The following TMEM131L variants were observed in gnomAD, a reference collection of about 807,000 sequenced individuals.
The protein encoded by TMEM131L is transmembrane 131 like, also known as transmembrane protein 131-like.
A neutral mutation model predicts 192.2 loss-of-function variants in TMEM131L; 54 were observed. The observed-to-expected ratio is 0.28, with a 90% CI of 0.23 to 0.35. The LOEUF (loss-of-function observed/expected upper bound fraction) is 0.35. Ranked by LOEUF, TMEM131L falls within the 10% of genes least tolerant of loss-of-function variation. The pLI, the probability that TMEM131L is intolerant of heterozygous loss-of-function variation, is 1.00. For synonymous variants in TMEM131L, 701 were observed against 704.9 expected (o/e 0.99, Z 0.09); for missense variants, 1,888 against 1,972.9 (o/e 0.96, Z 0.82).
chr4:153,623,416 G>T (rs924815930), intron 29 of TMEM131L, among the ~76,000 whole-genome samples: 7 of 152,150 alleles, frequency 4.6e-5, no homozygotes, highest in Non-Finnish European at 8.8e-5. Flanking sequence ...GGCACTAAGT[G>T]CATCACATTG....
chr4:153,622,546 A>C (rs115800990), intron 28 of TMEM131L, among the ~76,000 whole-genome samples: 4,315 of 152,310 alleles, frequency 0.028, 128 homozygotes, highest in Admixed American at 0.087. Flanking sequence ...TATCTTATTA[A>C]AAGAGAGGGG....
intron 32 of TMEM131L, among the ~76,000 whole-genome samples, chr4:153,633,887 TC>T (rs976192776): frequency 1.3e-5 from 2 of 152,212 alleles, no homozygotes; most frequent in Non-Finnish European, 2.9e-5. Flanking sequence ...TTAAAGGTAT[TC>T]CAGCTGTTCT....
chr4:153,466,434 T>G lies in TMEM131L; in HGVS notation c.37T>G (p.Cys13Gly), dbSNP rs2149685349. 2 of 1,409,194 alleles carry G rather than the reference T, an allele frequency of 1.4e-6. No individual in the cohort carries two copies. Among genetic ancestry groups the G allele is most frequent in the East Asian group, 3.0e-5 (1 of 33,144 alleles). 87.3% of individuals were successfully genotyped at this position (1,409,194 alleles called of 1,614,324 possible). A position where few individuals can be genotyped will look rare whatever the true frequency, so the allele number is the denominator to read the frequency against. The change falls in exon 1 of 35, where the codon TGC becomes GGC. Residue 13 changes from cysteine to glycine, a missense_variant. By Grantham distance (159) the Cys-to-Gly change is radical. Transcript: ENST00000409959. ...CCGACGCCCGCAGCCCGGCTGCTAC[T>G]GCCGCACCGCGGCGGCCGTGAACCT... ...GLRRPQPGCYCRTAAAVNLLL... is the reference protein window; with the variant it reads ...GLRRPQPGCYGRTAAAVNLLL...
intron 3 of TMEM131L, among the ~76,000 whole-genome samples, chr4:153,530,200 G>C (rs564179971): frequency 1.3e-3 from 193 of 152,058 alleles, no homozygotes; most frequent in Non-Finnish European, 2.4e-3. Flanking sequence ...GCAGATCTTG[G>C]TAACGTGATT....
At chr4:153,576,641 A>G (rs1423832080) in intron 7 of TMEM131L, among the ~76,000 whole-genome samples, 1 of 151,970 alleles carries the variant, frequency 6.6e-6, no homozygotes, top group Non-Finnish European at 1.5e-5. Context: ...TGTCAGGTTA[A>G]GACCTTAACA....
chr4:153,556,381 C>T (rs886410318), intron 5 of TMEM131L, among the ~76,000 whole-genome samples: 1 of 152,118 alleles, frequency 6.6e-6, no homozygotes, highest in Non-Finnish European at 1.5e-5. Flanking sequence ...CTGATTGGCA[C>T]CATAACACAG....
At chr4:153,489,362 C>T (rs1260271222) in intron 3 of TMEM131L, among the ~76,000 whole-genome samples, 2 of 152,208 alleles carry the variant, frequency 1.3e-5, no homozygotes, top group African/African-American at 4.8e-5. Context: ...TTCTTCCCAG[C>T]TCATTGAACC....
chr4:153,623,564 T>C (rs955358438), intron 29 of TMEM131L, among the ~76,000 whole-genome samples: 2 of 152,244 alleles, frequency 1.3e-5, no homozygotes, highest in South Asian at 2.1e-4. Context: ...TCTATAAATC[T>C]GCCTACTCTG....
chr4:153,602,463 T>C lies in TMEM131L; in HGVS notation c.2454-79T>C, dbSNP rs1731908828. ...TGTAAATATTTCTTTTGTAGGAGTA[T>C]GATGTGTTGTCATTATTTTGCCTTG... is the stretch of plus-strand genomic sequence containing the variant. On this transcript the variant is annotated intron_variant, in intron 22 of 34. Transcript: ENST00000409959. 10 of 1,513,766 alleles carry C rather than the reference T, an allele frequency of 6.6e-6. No individual in the cohort carries two copies. In the South Asian group the frequency reaches 9.2e-5, roughly 14 times the overall value. 93.8% of individuals were successfully genotyped at this position (1,513,766 alleles called of 1,614,324 possible).
rs552472935 is a variant in TMEM131L, at chr4:153,535,176, T to C, written c.240-14897T>C. Among the ~76,000 whole-genome samples, 358 of 152,184 alleles carry C rather than the reference T, an allele frequency of 2.4e-3. 4 individuals are homozygous for C. The highest frequency in any genetic ancestry group is 8.3e-3 in the African/African-American group (345 of 41,506). ...AAAGCGGAGCTCATGGGATTTCCGA[T>C]GGATGGGATGCGGGGTGTGAGAAAG... On this transcript the variant is annotated intron_variant, in intron 3 of 34. Transcript: ENST00000409959.
chr4:153,572,425 G>A (rs962794449), intron 7 of TMEM131L, among the ~76,000 whole-genome samples: 2 of 152,078 alleles, frequency 1.3e-5, no homozygotes, highest in Admixed American at 1.3e-4. Context: ...CTGCCTCCCG[G>A]GTTCAAGTGA....
At chr4:153,482,786 A>G (rs1295717052) in intron 3 of TMEM131L, among the ~76,000 whole-genome samples, 3 of 151,898 alleles carry the variant, frequency 2.0e-5, no homozygotes, top group African/African-American at 2.4e-5. Context: ...TTTTGTAGAG[A>G]TGAGGTCTTC....
chr4:153,614,175 G>C lies in TMEM131L; in HGVS notation c.3567+1775G>C, dbSNP rs562605327. ...TTGAGGCATAATTGGGTGCAGTTAGGGAGCCATCCGACTTGGAAGAAGCTA... is the reference window on the plus strand; with the variant it reads ...TTGAGGCATAATTGGGTGCAGTTAGCGAGCCATCCGACTTGGAAGAAGCTA... On this transcript the variant is annotated intron_variant, in intron 26 of 34. Coordinates refer to ENST00000409959, the MANE Select transcript of TMEM131L (RefSeq NM_001131007.2). 3.0e-4 allele frequency among the ~76,000 whole-genome samples: 45 copies of C among 152,300 alleles called. 3 individuals are homozygous for C. The South Asian group carries it at 8.7e-3, about 29-fold the overall frequency.
At chr4:153,480,952 T>G (rs946514653) in intron 3 of TMEM131L, among the ~76,000 whole-genome samples, 1 of 152,228 alleles carries the variant, frequency 6.6e-6, no homozygotes, top group South Asian at 2.1e-4. Flanking sequence ...CACCCCATCC[T>G]GTTCTCCTCA....
In TMEM131L at chr4:153,620,795, A is replaced by G; in HGVS notation, c.3607A>G (p.Arg1203Gly). 1 of 1,579,288 alleles carries G rather than the reference A, an allele frequency of 6.3e-7. No homozygotes were observed. The highest frequency in any genetic ancestry group is 2.3e-5 in the East Asian group (1 of 44,250). The change falls in exon 27 of 35, where the codon AGA becomes GGA. Residue 1203 changes from arginine (R) to glycine (G), a missense_variant. Physicochemically the swap from Arg to Gly is moderately radical, Grantham distance 125 (BLOSUM62 -2). Transcript: ENST00000409959. The stretch of plus-strand genomic sequence containing the variant: ...TAGGAAGAAAAAGCTTCAGGAGAAA[A>G]GAGAAGGAAATTTACAAAATTTAAA... ...PYRKKKLQEK[R>G]EGNLQNLNWS...
At chr4:153,580,356 T>G (rs1730249486) in intron 7 of TMEM131L, among the ~76,000 whole-genome samples, 1 of 152,226 alleles carries the variant, frequency 6.6e-6, no homozygotes, top group East Asian at 1.9e-4. Flanking sequence ...TTTTTATTTT[T>G]TGTTTTTTTG....
At chr4:153,545,495 G>A (rs963821592) in intron 3 of TMEM131L, among the ~76,000 whole-genome samples, 1 of 151,976 alleles carries the variant, frequency 6.6e-6, no homozygotes, top group Non-Finnish European at 1.5e-5. Flanking sequence ...CACCGTGTTA[G>A]TCAAGATGGT....
chr4:153,571,539 A>G (rs573002314), intron 7 of TMEM131L, among the ~76,000 whole-genome samples: 41 of 152,244 alleles, frequency 2.7e-4, no homozygotes, highest in East Asian at 1.2e-3. Flanking sequence ...CTAGAACTCA[A>G]TCATGGTTTC....
chr4:153,620,999 A>C, intron 27 of TMEM131L, 119 bp downstream of exon 27: 1 of 688,698 alleles, frequency 1.5e-6, no homozygotes, highest in South Asian at 1.8e-5. Context: ...ATGAGAGTGT[A>C]AATGTTTATC....
Sources: allele counts gnomAD v4.1 joint callset (sites outside exome capture counted in the v4.1 genomes callset), GRCh38; gene constraint gnomAD v4.1.1; transcripts MANE v1.5; gene names NCBI Gene and HGNC (gene_info 2026-07-23, HGNC 2026-07-21).